Variants in ABCC8 observed in about 807,000 individuals in gnomAD.
The protein encoded by ABCC8 is ATP binding cassette subfamily C member 8.
Under a neutral mutation model 188.0 loss-of-function variants are expected in ABCC8, and 137 were observed. That is an observed-to-expected ratio of 0.73 (90% CI 0.63 to 0.84). The LOEUF (loss-of-function observed/expected upper bound fraction) is 0.84, where lower values mean the gene tolerates loss of function less well. Among genes scored for constraint, ABCC8 ranks in the 40% least tolerant of loss-of-function variants. The pLI is 0.00. For synonymous variants in ABCC8, 797 were observed against 846.5 expected (o/e 0.94, Z 1.01); for missense variants, 1,750 against 2,072.7 (o/e 0.84, Z 3.02).
At chr11:17,445,890 C>A (rs58661240) in intron 8 of ABCC8, among the ~76,000 whole-genome samples, 1 of 151,690 alleles carries the variant, frequency 6.6e-6, no homozygotes, top group South Asian at 2.1e-4. Flanking sequence ...CTATTAGCAA[C>A]GATGCATGTG....
rs1425185502 is a variant in ABCC8, at chr11:17,404,464, A to G, written c.3557+48T>C. 7.7e-6 allele frequency: 12 copies of G among 1,557,940 alleles called. No homozygotes were observed. Among genetic ancestry groups the G allele is most frequent in the Non-Finnish European group, 1.1e-5 (12 of 1,129,038 alleles). On this transcript the variant is annotated intron_variant, in intron 28 of 38. Coordinates refer to ENST00000389817, the MANE Select transcript of ABCC8 (RefSeq NM_000352.6). This position sits in a 1 kb window ranked among gnomAD's most constrained non-coding sequence, Gnocchi z 4.7. The stretch of plus-strand genomic sequence containing the variant: ...ACGATGAGTCTAGCAAGTACACCAA[A>G]CTGCACATTGCAAAGCACCTCCCAC...
In ABCC8 at chr11:17,448,516, C is replaced by A. The variant is rs760062120; in HGVS notation, c.1332G>T (p.Gln444His). Reference protein sequence around the residue: ...LCPNLWAMPVQIIVGVILLYY... With the variant: ...LCPNLWAMPVHIIVGVILLYY... Reference sequence around the variant, plus strand: ...CCCTTCCCCTCAGCCCATCTAGTACCTGTACTGGCATAGCCCAGAGGTTTG... The same window carrying A: ...CCCTTCCCCTCAGCCCATCTAGTACATGTACTGGCATAGCCCAGAGGTTTG... Residue 444 changes from glutamine (Q) to histidine (H), a missense_variant and splice_region_variant, in exon 8 of 39, where the codon CAG (glutamine) becomes CAT (histidine). By Grantham distance (24) the Gln-to-His change is conservative (BLOSUM62 0). Coordinates refer to ENST00000389817, the MANE Select transcript of ABCC8 (RefSeq NM_000352.6). 6.2e-6 allele frequency: 10 copies of A among 1,613,882 alleles called. No individual in the cohort carries two copies. The highest frequency in any genetic ancestry group is 8.5e-6 in the Non-Finnish European group (10 of 1,179,926).
intron 20 of ABCC8, 127 bp from the exon 21 acceptor site, chr11:17,412,873 CCTTGCATAGAGAAGGAA>C: frequency 6.5e-7 from 1 of 1,527,248 alleles, no homozygotes. Context: ...CTGCTTCTCA[CCTTGCATAGAGAAGGAA>C]CTTGCACGTG....
intron 36 of ABCC8, 137 bp from the exon 37 acceptor site, chr11:17,394,536 C>A: frequency 6.8e-7 from 1 of 1,472,096 alleles, no homozygotes. Context: ...AGAGCACAGG[C>A]GTGTGCAGGG....
At chr11:17,405,217 A>G (rs1325992192) in intron 27 of ABCC8, among the ~76,000 whole-genome samples, 2 of 152,286 alleles carry the variant, frequency 1.3e-5, no homozygotes, top group Non-Finnish European at 1.5e-5. Context: ...CCATACAATC[A>G]GCCACCTTGG....
In ABCC8 at chr11:17,461,801, T is replaced by A. The variant is rs751446018; in HGVS notation, c.604A>T (p.Arg202Trp). Residue 202 changes from arginine to tryptophan, a missense_variant, in exon 5 of 39, where the codon AGG becomes TGG. Arg to Trp is a moderately radical substitution (Grantham distance 101). Transcript: ENST00000389817. ...VRRYIFFKTP[R>W]EVKPPEDLQD... Reference sequence around the variant, plus strand: ...AGGTCCTCGGGAGGCTTCACCTCCCTCGGTGTCTTGAAGAAGATGTATCTC... The same window carrying A: ...AGGTCCTCGGGAGGCTTCACCTCCCACGGTGTCTTGAAGAAGATGTATCTC... 1.5e-5 allele frequency: 24 copies of A among 1,613,936 alleles called. No homozygotes were observed. The highest frequency in any genetic ancestry group is 5.3e-5 in the African/African-American group (4 of 74,896).
chr11:17,419,316 C>T (rs1377607749), intron 16 of ABCC8, among the ~76,000 whole-genome samples: 1 of 152,210 alleles, frequency 6.6e-6, no homozygotes, highest in Admixed American at 6.5e-5. Flanking sequence ...ACCGCATGTC[C>T]TTCCCTCCAG....
chr11:17,431,187 T>C (rs2133550547), intron 11 of ABCC8, among the ~76,000 whole-genome samples: 1 of 152,322 alleles, frequency 6.6e-6, no homozygotes, highest in African/African-American at 2.4e-5. Context: ...CTCCCTGTCC[T>C]GGCCAAGACT....
intron 5 of ABCC8, 50 bp from the exon 6 acceptor site, chr11:17,460,726 G>A (rs747248685): frequency 1.3e-5 from 21 of 1,598,818 alleles, no homozygotes; most frequent in Middle Eastern, 4.5e-4. Context: ...GCTAATTCAC[G>A]GCTGGGCCTA....
At chr11:17,435,616 G>C (rs1171588343) in intron 10 of ABCC8, 1 of 1,397,798 alleles carries the variant, frequency 7.2e-7, no homozygotes, top group Non-Finnish European at 1.0e-6. Flanking sequence ...GTGAGAAACA[G>C]AAAGATGGGT....
At chr11:17,438,869 C>T (rs778277665) in intron 10 of ABCC8, among the ~76,000 whole-genome samples, 6 of 152,238 alleles carry the variant, frequency 3.9e-5, no homozygotes, top group Non-Finnish European at 8.8e-5. Flanking sequence ...GAGAGTCAGT[C>T]CTCTCTGCTG....
rs1385454488 is a variant in ABCC8 at position 17,428,052 on chromosome 11, G to T, written c.2041-110C>A. The T allele has an allele frequency of 4.4e-6, 7 of 1,587,436 alleles. No homozygotes were observed. The East Asian group carries it at 1.4e-4, about 31-fold the overall frequency. On this transcript the variant is annotated intron_variant, in intron 14 of 38. Transcript: ENST00000389817. ...TGAAAGCCAAAAGACACTGATTCCAGCCCCTGGATCACTTCCAGAGCAGGG... is the reference window on the plus strand; with the variant it reads ...TGAAAGCCAAAAGACACTGATTCCATCCCCTGGATCACTTCCAGAGCAGGG...
At chr11:17,413,609 G>C in intron 19 of ABCC8, 131 bp from the exon 20 acceptor site, 1 of 1,576,228 alleles carries the variant, frequency 6.3e-7, no homozygotes, top group Non-Finnish European at 8.6e-7. Flanking sequence ...CCTCCCGCTT[G>C]GGTGCAAGCA....
chr11:17,397,876 G>A, intron 30 of ABCC8, 79 bp from the exon 31 acceptor site: 2 of 1,565,214 alleles, frequency 1.3e-6, no homozygotes, highest in African/African-American at 1.4e-5. Flanking sequence ...CCTTTTCGGG[G>A]CAGAGAGCAG....
chr11:17,407,639 T>A (rs780184007), intron 23 of ABCC8, 186 bp from the exon 24 acceptor site: 23 of 602,742 alleles, frequency 3.8e-5, no homozygotes, highest in Non-Finnish European at 4.4e-5. Context: ...CATCAGATAA[T>A]AGCACCCCCA....
At chr11:17,452,834 C>A (rs538240363) in intron 7 of ABCC8, among the ~76,000 whole-genome samples, 2 of 152,168 alleles carry the variant, frequency 1.3e-5, no homozygotes, top group Admixed American at 1.3e-4. Flanking sequence ...CAATTAGTGA[C>A]GTCTACCACT....
intron 16 of ABCC8, among the ~76,000 whole-genome samples, chr11:17,421,451 G>T (rs757981485): frequency 1.3e-5 from 2 of 152,124 alleles, no homozygotes; most frequent in African/African-American, 4.8e-5. Flanking sequence ...AGTTGTTCCT[G>T]GTTCATTCAT....
In ABCC8 at chr11:17,453,111, C is replaced by T; in HGVS notation, c.1176+8G>A. ...TATGGCAAAGTGAAAAAATAATCAT[C>T]CAAGTACCTGTATTGCTCCTCTCAA... On this transcript the variant is annotated splice_region_variant and intron_variant, in intron 7 of 38. Transcript: ENST00000389817. 6.2e-7 allele frequency: 1 copy of T among 1,608,196 alleles called. No individual in the cohort carries two copies. Among genetic ancestry groups the T allele is most frequent in the South Asian group, 1.1e-5 (1 of 90,958 alleles).
chr11:17,412,002 C>T (rs1302912240), intron 21 of ABCC8, among the ~76,000 whole-genome samples: 3 of 151,010 alleles, frequency 2.0e-5, no homozygotes, highest in Non-Finnish European at 4.4e-5. Flanking sequence ...ACGCCATTCT[C>T]CTGCCTCAGC....
Sources: gnomAD v4.1 joint callset for allele counts (sites outside exome capture counted in the v4.1 genomes callset) on GRCh38, gnomAD v4.1.1 for gene constraint, Gnocchi (gnomAD v3.1) non-coding constraint, MANE v1.5 for transcripts, NCBI Gene and HGNC (gene_info 2026-07-23, HGNC 2026-07-21) for gene names.